Variants in EXOC4 observed in about 807,000 individuals in gnomAD.
The protein encoded by EXOC4 is SEC8-like 1.
A neutral mutation model predicts 107.2 loss-of-function variants in EXOC4; 71 were observed. The ratio of observed to expected loss-of-function variants is 0.66; its 90% CI spans 0.55 to 0.81. The LOEUF (loss-of-function observed/expected upper bound fraction) is 0.81. Ranked by LOEUF, EXOC4 falls within the 30% of genes least tolerant of loss-of-function variation. The pLI is 0.00. For synonymous variants in EXOC4, 456 were observed against 441.2 expected, an observed-to-expected ratio of 1.03 and a Z score of -0.42; for missense variants, 1,108 against 1,189.6, an observed-to-expected ratio of 0.93 and a Z score of 1.01.
At chr7:133,790,047 G>C (rs1796671658) in intron 10 of EXOC4, among the ~76,000 whole-genome samples, 2 of 152,158 alleles carry the variant, frequency 1.3e-5, no homozygotes, top group Non-Finnish European at 2.9e-5. Context: ...GCTCCTAAGG[G>C]AGTCAGAAGC....
At chr7:133,394,639 A>G (rs897409068) in intron 7 of EXOC4, among the ~76,000 whole-genome samples, 1 of 152,186 alleles carries the variant, frequency 6.6e-6, no homozygotes, top group Admixed American at 6.5e-5. Context: ...CTCCTGACCT[A>G]CTATACAGAA....
intron 7 of EXOC4, among the ~76,000 whole-genome samples, chr7:133,375,835 G>C (rs1002573507): frequency 6.6e-6 from 1 of 152,260 alleles, no homozygotes; most frequent in South Asian, 2.1e-4. Flanking sequence ...CTGCTGAAAT[G>C]ATATTTAGAA....
chr7:133,932,263 G>A (rs1800194867), intron 13 of EXOC4, among the ~76,000 whole-genome samples: 1 of 152,170 alleles, frequency 6.6e-6, no homozygotes, highest in Non-Finnish European at 1.5e-5. Context: ...AGCACGCTGG[G>A]AAGAAACTTA....
chr7:133,999,071 T>A (rs1275310410), intron 15 of EXOC4, among the ~76,000 whole-genome samples: 1 of 152,082 alleles, frequency 6.6e-6, no homozygotes, highest in Non-Finnish European at 1.5e-5. Context: ...TTGAGAGATG[T>A]TCAGTTTGGG....
chr7:133,598,440 T>C (rs1298004396), intron 9 of EXOC4, among the ~76,000 whole-genome samples: 1 of 152,228 alleles, frequency 6.6e-6, no homozygotes, highest in Non-Finnish European at 1.5e-5. Context: ...CTGTCTGGCA[T>C]AGCAGCCACA....
intron 9 of EXOC4, among the ~76,000 whole-genome samples, chr7:133,596,444 A>G (rs909004437): frequency 1.3e-5 from 2 of 152,220 alleles, no homozygotes; most frequent in South Asian, 4.1e-4. Context: ...CCCGTTCTTT[A>G]TCCTCTGTTT....
intron 1 of EXOC4, among the ~76,000 whole-genome samples, chr7:133,258,193 GC>G (rs199676770): frequency 0.012 from 1,819 of 152,286 alleles, 29 homozygotes; most frequent in African/African-American, 0.041. Context: ...GGGATGTCTG[GC>G]AGCATATGTG....
chr7:133,539,472 C>T (rs962310291), intron 9 of EXOC4, among the ~76,000 whole-genome samples: 6 of 151,908 alleles, frequency 3.9e-5, no homozygotes, highest in African/African-American at 1.5e-4. Flanking sequence ...AAATGAACTT[C>T]CTTTGGCAAG....
At chr7:133,983,932 A>G (rs1177712227) in intron 14 of EXOC4, among the ~76,000 whole-genome samples, 2 of 152,140 alleles carry the variant, frequency 1.3e-5, no homozygotes, top group Admixed American at 6.6e-5. Flanking sequence ...TGAATTGGCC[A>G]CACCATATGC....
intron 9 of EXOC4, among the ~76,000 whole-genome samples, chr7:133,535,347 C>T (rs764243599): frequency 2.0e-5 from 3 of 152,082 alleles, no homozygotes; most frequent in Non-Finnish European, 4.4e-5. Flanking sequence ...GTCTTTCAGC[C>T]GTGTAACAGC....
chr7:133,779,173 G>A (rs10275603), intron 10 of EXOC4, among the ~76,000 whole-genome samples: 14 of 152,182 alleles, frequency 9.2e-5, no homozygotes, highest in African/African-American at 3.4e-4. Flanking sequence ...TATTGGAAAG[G>A]TAATTTTGTT....
At chr7:133,830,594 T>C (rs1259995659) in intron 11 of EXOC4, among the ~76,000 whole-genome samples, 3 of 152,184 alleles carry the variant, frequency 2.0e-5, no homozygotes, top group African/African-American at 7.2e-5. Context: ...GAAAGGAGTA[T>C]CAAATATTTG....
intron 11 of EXOC4, among the ~76,000 whole-genome samples, chr7:133,855,323 T>A (rs868538853): frequency 1.3e-5 from 2 of 151,024 alleles, no homozygotes; most frequent in African/African-American, 4.9e-5. Context: ...CGAACTTAGT[T>A]CCACAGCAGA....
intron 14 of EXOC4, among the ~76,000 whole-genome samples, chr7:133,947,173 A>G (rs930257234): frequency 2.6e-5 from 4 of 152,216 alleles, no homozygotes; most frequent in East Asian, 3.8e-4. Context: ...AAATGATCTG[A>G]TGAACTTGAA....
chr7:133,903,823 TG>T (rs1406784104), intron 12 of EXOC4, among the ~76,000 whole-genome samples: 1 of 152,204 alleles, frequency 6.6e-6, no homozygotes, highest in Non-Finnish European at 1.5e-5. Context: ...TGGACTTTTA[TG>T]AAGTTTGCAA....
intron 10 of EXOC4, among the ~76,000 whole-genome samples, chr7:133,734,537 C>G (rs1305078813): frequency 6.6e-6 from 1 of 151,510 alleles, no homozygotes; most frequent in Non-Finnish European, 1.5e-5. Context: ...GGATTTTTCC[C>G]CCGGTTTCTG....
At chr7:133,494,686 G>A (rs1563086616) in intron 9 of EXOC4, among the ~76,000 whole-genome samples, 1 of 152,184 alleles carries the variant, frequency 6.6e-6, no homozygotes, top group African/African-American at 2.4e-5. Context: ...CACAATAGAT[G>A]TAGTTGCCCT....
chr7:133,459,533 C>T (rs749222972), intron 7 of EXOC4, among the ~76,000 whole-genome samples: 2 of 152,148 alleles, frequency 1.3e-5, no homozygotes, highest in Middle Eastern at 3.2e-3. Context: ...GCCCTTGCCT[C>T]ATGGGGGCAG....
chr7:133,275,325 T>G (rs982552227), intron 2 of EXOC4, among the ~76,000 whole-genome samples, 154 bp downstream of exon 2: 8 of 152,146 alleles, frequency 5.3e-5, no homozygotes, highest in Admixed American at 5.2e-4. Context: ...AAAGGCTGGT[T>G]GGGAAAGATC....
Sources: allele counts gnomAD v4.1 joint callset (sites outside exome capture counted in the v4.1 genomes callset), GRCh38; gene constraint gnomAD v4.1.1; transcripts MANE v1.5; gene names NCBI Gene and HGNC (gene_info 2026-07-23, HGNC 2026-07-21).